DCHS2: variants seen among roughly 807,000 people sequenced by gnomAD.
DCHS2 encodes protocadherin-23.
In DCHS2, 142 loss-of-function variants were observed where a neutral mutation model predicts 182.4. The ratio of observed to expected loss-of-function variants is 0.78; its 90% confidence interval spans 0.68 to 0.89. The LOEUF (loss-of-function observed/expected upper bound fraction) is 0.89, where lower values mean the gene tolerates loss of function less well. DCHS2 is among the 40% of genes least tolerant of loss of function. DCHS2 has a pLI of 0.00. For synonymous variants in DCHS2, 1,740 were observed against 1,663.3 expected, an observed-to-expected ratio of 1.05 and a Z score of -1.12; for missense variants, 4,319 against 4,198.6, an observed-to-expected ratio of 1.03 and a Z score of -0.79.
intron 2 of DCHS2, among the ~76,000 whole-genome samples, 153 bp from the exon 3 acceptor site, chr4:154,366,594 A>C (rs1000556793): frequency 1.3e-5 from 2 of 151,860 alleles, no homozygotes; most frequent in Admixed American, 6.6e-5. Context: ...ATATACACAC[A>C]CCCCCATACA....
chr4:154,407,827 G>T (rs1732462443), intron 1 of DCHS2, among the ~76,000 whole-genome samples: 1 of 152,068 alleles, frequency 6.6e-6, no homozygotes, highest in Non-Finnish European at 1.5e-5. Context: ...ATTTTCTATT[G>T]GTAGGTCAGA....
In DCHS2 at chr4:154,489,882, A is replaced by C. The variant is rs899604745; in HGVS notation, c.1474T>G (p.Cys492Gly). 1.0e-5 allele frequency: 16 copies of C among 1,542,752 alleles called. No homozygotes were observed. The highest frequency in any genetic ancestry group is 1.7e-4 in the Middle Eastern group (1 of 5,976). Residue 492 changes from cysteine (C) to glycine (G), a missense_variant, in exon 1 of 20, where the codon TGC becomes GGC. By Grantham distance (159) the Cys-to-Gly change is radical. Transcript: ENST00000357232. The stretch of plus-strand genomic sequence containing the variant: ...TCTCTGTCCAGGGGCCCCTCCACGC[A>C]AAGGAAAAATACCCCTGGGGGGCCG... ...PGGPPGVFFL[C>G]VEGPLDRESR...
At chr4:154,390,288 C>T (rs1731638598) in intron 1 of DCHS2, among the ~76,000 whole-genome samples, 1 of 130,324 alleles carries the variant, frequency 7.7e-6, no homozygotes, top group Non-Finnish European at 1.6e-5. Context: ...ACAACAGTCC[C>T]CAGAGTGTGA....
At chr4:154,283,951 G>A (rs1235428065) in intron 13 of DCHS2, among the ~76,000 whole-genome samples, 2 of 152,166 alleles carry the variant, frequency 1.3e-5, no homozygotes, top group Non-Finnish European at 2.9e-5. Flanking sequence ...GAGCCTGCAT[G>A]TGTTCAGAAA....
chr4:154,383,412 C>T (rs1276499627), intron 1 of DCHS2, among the ~76,000 whole-genome samples: 3 of 152,180 alleles, frequency 2.0e-5, no homozygotes, highest in African/African-American at 7.2e-5. Flanking sequence ...CAAACCTCAG[C>T]ATCACACAAT....
At chr4:154,272,077 T>G (rs1733626889) in intron 13 of DCHS2, 2 of 152,196 alleles carry the variant, frequency 1.3e-5, no homozygotes, top group Non-Finnish European at 1.5e-5. Flanking sequence ...GAATCAAGCA[T>G]GTTATTTTAT....
At chr4:154,449,740 T>C (rs770523818) in intron 1 of DCHS2, among the ~76,000 whole-genome samples, 2 of 152,244 alleles carry the variant, frequency 1.3e-5, no homozygotes, top group Non-Finnish European at 2.9e-5. Flanking sequence ...ATAAGGAGTT[T>C]TATATTGTTA....
intron 17 of DCHS2, among the ~76,000 whole-genome samples, chr4:154,242,063 G>A (rs1392938581): frequency 6.6e-6 from 1 of 152,116 alleles, no homozygotes; most frequent in Non-Finnish European, 1.5e-5. Context: ...CATTGACCAT[G>A]GACAACTTTG....
intron 12 of DCHS2, among the ~76,000 whole-genome samples, chr4:154,302,784 G>A: frequency 1.3e-5 from 1 of 75,176 alleles, no homozygotes; most frequent in Admixed American, 1.2e-4. Context: ...AGGGGAGGAT[G>A]CCTTTCATAT....
Position 154,320,779 on chromosome 4 carries a change from ACTGCCGT to A in DCHS2, c.4613_4619del (p.Asp1538ValfsTer3). The A allele has an allele frequency of 6.2e-7, 1 of 1,614,082 alleles. No individual in the cohort carries two copies. The highest frequency in any genetic ancestry group is 8.5e-7 in the Non-Finnish European group (1 of 1,179,994). On this transcript the variant is annotated frameshift_variant, in exon 9 of 20. Transcript: ENST00000357232. LOFTEE classifies it high-confidence loss of function. ...AGTATTGTATTCTACTGTTCAAAAA[ACTGCCGT>A]CATCATCTTTGGCATTGAAGACATA... is the stretch of plus-strand genomic sequence containing the variant.
intron 1 of DCHS2, among the ~76,000 whole-genome samples, chr4:154,450,555 G>C (rs7686312): frequency 6.6e-6 from 1 of 151,984 alleles, no homozygotes; most frequent in African/African-American, 2.4e-5. Context: ...GGAGCCAGCC[G>C]GGCAGGGTGG....
chr4:154,303,932 C>A (rs1488314388), intron 12 of DCHS2, among the ~76,000 whole-genome samples: 1 of 152,036 alleles, frequency 6.6e-6, no homozygotes, highest in Non-Finnish European at 1.5e-5. Context: ...TGTGTATGTG[C>A]CTGTGTATGG....
At chr4:154,242,402 G>A (rs971892311) in intron 17 of DCHS2, among the ~76,000 whole-genome samples, 6 of 152,136 alleles carry the variant, frequency 3.9e-5, no homozygotes, top group Admixed American at 2.0e-4. Flanking sequence ...ATTATAAACA[G>A]ATACTATAAG....
At chr4:154,402,703 T>C (rs1732240616) in intron 1 of DCHS2, among the ~76,000 whole-genome samples, 2 of 152,200 alleles carry the variant, frequency 1.3e-5, no homozygotes, top group Admixed American at 1.3e-4. Flanking sequence ...GAGTTAATGC[T>C]AGAATAAGTT....
chr4:154,396,609 C>T (rs1731939085), intron 1 of DCHS2, among the ~76,000 whole-genome samples: 2 of 152,128 alleles, frequency 1.3e-5, no homozygotes, highest in South Asian at 4.1e-4. Context: ...TGTCTCTAAC[C>T]TCCTTTATAG....
rs1728825805 is a variant in DCHS2, at chr4:154,491,267, T to A, written c.89A>T (p.Asp30Val). The change falls in exon 1 of 20, where the codon GAT (aspartate) becomes GTT (valine). Residue 30 changes from aspartate (D) to valine (V), a missense_variant. Transcript: ENST00000357232. ...GCTGCCTGACCGCCCATGGGGTGTA[T>A]CTCTCCTCCCGGGGAGCAGAAGGAG... ...GKLLLLPGRR[D>V]TPHGRSGSSG... 5 of 1,550,924 alleles carry A rather than the reference T, an allele frequency of 3.2e-6. No individual in the cohort carries two copies. Among genetic ancestry groups the A allele is most frequent in the Non-Finnish European group, 2.6e-6 (3 of 1,146,864 alleles).
intron 1 of DCHS2, among the ~76,000 whole-genome samples, chr4:154,480,420 C>T (rs903492285): frequency 6.6e-6 from 1 of 152,180 alleles, no homozygotes; most frequent in African/African-American, 2.4e-5. Context: ...TTTAGATTAA[C>T]TGTCATCAGT....
At chr4:154,462,530 CAGAG>C (rs1735053707) in intron 1 of DCHS2, among the ~76,000 whole-genome samples, 1 of 152,126 alleles carries the variant, frequency 6.6e-6, no homozygotes, top group Non-Finnish European at 1.5e-5. Flanking sequence ...CATGGACAGA[CAGAG>C]AGACAGAAGA....
chr4:154,432,400 T>C (rs1477873222), intron 1 of DCHS2, among the ~76,000 whole-genome samples: 1 of 152,216 alleles, frequency 6.6e-6, no homozygotes, highest in East Asian at 1.9e-4. Flanking sequence ...CACATAACTT[T>C]CAGTGCCTCA....
Sources: allele counts gnomAD v4.1 joint callset (sites outside exome capture counted in the v4.1 genomes callset), GRCh38; gene constraint gnomAD v4.1.1; transcripts MANE v1.5; gene names NCBI Gene and HGNC (gene_info 2026-07-23, HGNC 2026-07-21).